Variants in CAPN8 observed in about 807,000 individuals in gnomAD.
CAPN8 encodes calpain-8.
CAPN8 carries 87 observed loss-of-function variants against 80.9 expected under a neutral mutation model. The ratio of observed to expected loss-of-function variants is 1.07; its 90% CI spans 0.90 to 1.28. The LOEUF (loss-of-function observed/expected upper bound fraction) is 1.28. CAPN8 is among the 50% of genes most tolerant of loss of function. CAPN8 has a pLI of 0.00. For synonymous variants in CAPN8, 299 were observed against 273.8 expected, an observed-to-expected ratio of 1.09 and a Z score of -0.91; for missense variants, 757 against 702.0, an observed-to-expected ratio of 1.08 and a Z score of -0.89.
At position 223,642,915 on chromosome 1, in the gene CAPN8, C is replaced by A. The variant is rs181941655; in HGVS notation, c.307+11415G>T. On this transcript the variant is annotated intron_variant, in intron 2 of 20. Transcript: ENST00000366872. ...CCTCACCTCCAGCTTTAAATCAGACCTTTAATGCTACTTAGAGGGAAACAT... is the reference window on the plus strand; with the variant it reads ...CCTCACCTCCAGCTTTAAATCAGACATTTAATGCTACTTAGAGGGAAACAT... The A allele has an allele frequency of 1.4e-3, 587 of 430,674 alleles. 4 individuals are homozygous for A. Among genetic ancestry groups the A allele is most frequent in the East Asian group, 0.011 (148 of 14,028 alleles). The allele number at this position is 430,674 out of a possible 1,614,324, so 26.7% of individuals were successfully genotyped here. A position where few individuals can be genotyped will look rare whatever the true frequency, so the allele number is the denominator to read the frequency against.
intron 10 of CAPN8, among the ~76,000 whole-genome samples, chr1:223,614,400 A>AG (rs1179349080): frequency 1.3e-5 from 1 of 78,630 alleles, no homozygotes; most frequent in East Asian, 4.1e-4. Context: ...AGTCCGTCTC[A>AG]AAAAAAAAAA....
In CAPN8 at chr1:223,629,197, A is replaced by AGTGTGTGTGTGTGTGTGTGTGTGT. The variant is rs113967295; in HGVS notation, c.308-441_308-418dup. Among the ~76,000 whole-genome samples the AGTGTGTGTGTGTGTGTGTGTGTGT allele has an allele frequency of 7.6e-4, 72 of 95,286 alleles. 2 individuals are homozygous for AGTGTGTGTGTGTGTGTGTGTGTGT. Among genetic ancestry groups the AGTGTGTGTGTGTGTGTGTGTGTGT allele is most frequent in the East Asian group, 7.3e-3 (27 of 3,684 alleles). The allele number at this position is 95,286 out of a possible 152,430, so 62.5% of individuals were successfully genotyped here. ...CCAATCTATGATGTGTACGTGTAAG[A>AGTGTGTGTGTGTGTGTGTGTGTGT]GTGTGTGTGTGTGTGTGTGTGTGTG... On this transcript the variant is annotated intron_variant, in intron 2 of 20. Coordinates refer to ENST00000366872, the MANE Select transcript of CAPN8 (RefSeq NM_001143962.2).
chr1:223,630,216 A>G (rs2102716444), intron 2 of CAPN8, among the ~76,000 whole-genome samples: 1 of 151,386 alleles, frequency 6.6e-6, no homozygotes, highest in South Asian at 2.1e-4. Flanking sequence ...GTCATTCATG[A>G]TCTGACCCCA....
chr1:223,621,976 T>G (rs1442703491), intron 7 of CAPN8, among the ~76,000 whole-genome samples: 8 of 152,088 alleles, frequency 5.3e-5, no homozygotes, highest in African/African-American at 1.7e-4. Context: ...CAGCTAATTT[T>G]TGTACTTTTA....
Position 223,656,678 on chromosome 1 carries a change from TTTG to T in CAPN8, c.238-2282_238-2280del, listed in dbSNP as rs1167999437. 8.7e-3 allele frequency among the ~76,000 whole-genome samples: 594 copies of T among 68,376 alleles called. 23 individuals carry two copies. Among genetic ancestry groups the T allele is most frequent in the African/African-American group, 0.023 (438 of 18,854 alleles). 44.9% of individuals were successfully genotyped at this position (68,376 alleles called of 152,430 possible). ...ATACACACGTTTTGGGTTTTTTTGT[TTTG>T]TTTTTTTTTTTTTTTTTTTTGAGAC... On this transcript the variant is annotated intron_variant, in intron 1 of 20. Coordinates refer to ENST00000366872, the MANE Select transcript of CAPN8 (RefSeq NM_001143962.2).
intron 2 of CAPN8, among the ~76,000 whole-genome samples, chr1:223,652,236 G>T (rs534965473): frequency 6.6e-6 from 1 of 152,130 alleles, no homozygotes; most frequent in Admixed American, 6.5e-5. Context: ...CAGCTGCTCA[G>T]GAGGTTGAGG....
intron 1 of CAPN8, among the ~76,000 whole-genome samples, chr1:223,659,587 G>A (rs1052461276): frequency 1.1e-4 from 16 of 151,998 alleles, no homozygotes; most frequent in African/African-American, 2.9e-4. Flanking sequence ...CAACTCAAAC[G>A]TCTCCGGTAA....
intron 6 of CAPN8, 106 bp downstream of exon 6, chr1:223,625,699 A>G: frequency 9.9e-7 from 1 of 1,011,036 alleles, no homozygotes; most frequent in Admixed American, 2.0e-5. Context: ...TCAAAAGCCA[A>G]TTCCGAACCT....
intron 2 of CAPN8, among the ~76,000 whole-genome samples, chr1:223,648,732 T>C (rs749592682): frequency 7.2e-5 from 11 of 152,074 alleles, no homozygotes; most frequent in Non-Finnish European, 1.6e-4. Flanking sequence ...AAATACAGAA[T>C]ATAAAACTCA....
intron 10 of CAPN8, among the ~76,000 whole-genome samples, chr1:223,614,055 A>G (rs1211542393): frequency 1.3e-5 from 2 of 152,216 alleles, no homozygotes; most frequent in Non-Finnish European, 2.9e-5. Context: ...GTCATGCCAC[A>G]CAAAGCTATT....
chr1:223,555,398 C>T (rs1391249493), intron 13 of CAPN8, among the ~76,000 whole-genome samples: 2 of 152,198 alleles, frequency 1.3e-5, no homozygotes, highest in African/African-American at 4.8e-5. Context: ...GGGGCTGTTT[C>T]CTCACCTGCA....
At chr1:223,615,735 G>T in intron 10 of CAPN8, 1 of 648,100 alleles carries the variant, frequency 1.5e-6, no homozygotes, top group Non-Finnish European at 2.8e-6. Flanking sequence ...ACAGGCAAAG[G>T]TTAATGTATC....
At chr1:223,545,033 G>A (rs2102686402) in intron 17 of CAPN8, 183 bp from the exon 18 acceptor site, 11 of 1,404,758 alleles carry the variant, frequency 7.8e-6, no homozygotes, top group South Asian at 1.5e-5. Context: ...CCCCTTTGCT[G>A]TCTGAACAGC....
chr1:223,628,235 T>C, intron 3 of CAPN8, 93 bp from the exon 4 acceptor site: 1 of 1,394,814 alleles, frequency 7.2e-7, no homozygotes, highest in Non-Finnish European at 9.5e-7. Flanking sequence ...CTCTGTGCCA[T>C]CAGTGTTCGA....
rs895482472 is a variant in CAPN8 at position 223,543,078 on chromosome 1, C to T, written c.2088+30G>A. The T allele has an allele frequency of 3.2e-6, 5 of 1,550,914 alleles. No homozygotes were observed. The African/African-American group carries it at 4.1e-5, about 13-fold the overall frequency. ...CCAAGAATTTCAGAGTACCATCAGCCAGCAATTCATCAAACCTCAGGACAT... is the reference window on the plus strand; with the variant it reads ...CCAAGAATTTCAGAGTACCATCAGCTAGCAATTCATCAAACCTCAGGACAT... On this transcript the variant is annotated intron_variant, in intron 20 of 20. Coordinates refer to ENST00000366872, the MANE Select transcript of CAPN8 (RefSeq NM_001143962.2).
intron 2 of CAPN8, among the ~76,000 whole-genome samples, chr1:223,646,599 C>T (rs1467996473): frequency 1.3e-5 from 2 of 152,244 alleles, no homozygotes; most frequent in African/African-American, 4.8e-5. Context: ...GCTTGAGCAA[C>T]CGCGTTGTCT....
In CAPN8 at chr1:223,632,234, G is replaced by A. The variant is rs190648379; in HGVS notation, c.308-3454C>T. 1.1e-4 allele frequency among the ~76,000 whole-genome samples: 16 copies of A among 152,284 alleles called. No individual in the cohort carries two copies. The East Asian group carries it at 2.1e-3, about 20-fold the overall frequency. On this transcript the variant is annotated intron_variant, in intron 2 of 20. Coordinates refer to ENST00000366872, the MANE Select transcript of CAPN8 (RefSeq NM_001143962.2). The stretch of plus-strand genomic sequence containing the variant: ...GAATGGATTGTCATGACGAGAATGC[G>A]TTTTCAAAGGAATATATCCAAATGT...
At chr1:223,646,239 A>G (rs1004069976) in intron 2 of CAPN8, among the ~76,000 whole-genome samples, 1 of 152,236 alleles carries the variant, frequency 6.6e-6, no homozygotes, top group Non-Finnish European at 1.5e-5. Context: ...ATGGCCTCTT[A>G]GAAGAAGGGT....
At chr1:223,653,912 G>T (rs1221224912) in intron 2 of CAPN8, among the ~76,000 whole-genome samples, 1 of 152,250 alleles carries the variant, frequency 6.6e-6, no homozygotes, top group South Asian at 2.1e-4. Context: ...TAAGATTCCT[G>T]TTTTCTTACT....
Sources: gnomAD v4.1 joint callset for allele counts (sites outside exome capture counted in the v4.1 genomes callset) on GRCh38, gnomAD v4.1.1 for gene constraint, MANE v1.5 for transcripts, NCBI Gene and HGNC (gene_info 2026-07-23, HGNC 2026-07-21) for gene names.